The following HS6ST3 variants were observed in gnomAD, a reference collection of about 807,000 sequenced individuals.
The protein encoded by HS6ST3 is heparan-sulfate 6-O-sulfotransferase 3.
HS6ST3 carries 12 observed loss-of-function variants against 36.7 expected under a neutral mutation model. That is an observed-to-expected ratio of 0.33 (90% confidence interval 0.21 to 0.53). The LOEUF (loss-of-function observed/expected upper bound fraction) is 0.53, where lower values mean the gene tolerates loss of function less well. Ranked by LOEUF, HS6ST3 falls within the 20% of genes least tolerant of loss-of-function variation. The probability of loss-of-function intolerance (pLI) is 0.95; values close to 1 mark genes in which losing one functional copy is unlikely to be tolerated. For missense variants in HS6ST3, 584 were observed against 640.9 expected, an observed-to-expected ratio of 0.91 and a Z score of 0.96; for synonymous variants, 240 against 257.5, an observed-to-expected ratio of 0.93 and a Z score of 0.65.
chr13:96,647,086 G>T (rs2056591302), intron 1 of HS6ST3, among the ~76,000 whole-genome samples: 1 of 151,942 alleles, frequency 6.6e-6, no homozygotes, highest in African/African-American at 2.4e-5. Flanking sequence ...GACTTAGGTG[G>T]CCTTCTCTGC....
chr13:96,259,144 G>A (rs897964578), intron 1 of HS6ST3, among the ~76,000 whole-genome samples: 1 of 152,026 alleles, frequency 6.6e-6, no homozygotes, highest in Non-Finnish European at 1.5e-5. Context: ...GTGTGTGTGT[G>A]TATGTGTGTG....
intron 1 of HS6ST3, among the ~76,000 whole-genome samples, chr13:96,264,081 A>G (rs2054679312): frequency 6.6e-6 from 1 of 152,208 alleles, no homozygotes; most frequent in Non-Finnish European, 1.5e-5. Flanking sequence ...AATGTTGGAG[A>G]ATTAATGGCT....
chr13:96,726,427 T>C (rs1000347198), intron 1 of HS6ST3, among the ~76,000 whole-genome samples: 1 of 152,232 alleles, frequency 6.6e-6, no homozygotes, highest in African/African-American at 2.4e-5. Flanking sequence ...AGGACTTATA[T>C]GTCTTTCATA....
intron 1 of HS6ST3, among the ~76,000 whole-genome samples, chr13:96,380,016 A>C (rs993091053): frequency 6.6e-6 from 1 of 152,190 alleles, no homozygotes; most frequent in African/African-American, 2.4e-5. Flanking sequence ...TATAACTAAA[A>C]CTGCTTTGAG....
At chr13:96,792,420 A>G (rs1459362550) in intron 1 of HS6ST3, among the ~76,000 whole-genome samples, 1 of 151,574 alleles carries the variant, frequency 6.6e-6, no homozygotes, top group Admixed American at 6.6e-5. Flanking sequence ...AACACGTCCT[A>G]TTTTTCTCAC....
At chr13:96,705,216 C>A (rs1164477863) in intron 1 of HS6ST3, among the ~76,000 whole-genome samples, 1 of 152,140 alleles carries the variant, frequency 6.6e-6, no homozygotes, top group East Asian at 1.9e-4. Context: ...TGATTGGCAT[C>A]CACCATTATT....
intron 1 of HS6ST3, among the ~76,000 whole-genome samples, chr13:96,704,979 G>T (rs1162618710): frequency 6.6e-6 from 1 of 152,146 alleles, no homozygotes; most frequent in Admixed American, 6.6e-5. Context: ...CTTTAGAGCA[G>T]TTTTAGGTTC....
intron 1 of HS6ST3, among the ~76,000 whole-genome samples, chr13:96,128,396 T>C (rs2053961274): frequency 6.6e-6 from 1 of 152,172 alleles, no homozygotes; most frequent in African/African-American, 2.4e-5. Flanking sequence ...AGCTGTGCTG[T>C]GTCAGGATGG....
intron 1 of HS6ST3, among the ~76,000 whole-genome samples, chr13:96,583,355 G>T (rs948410947): frequency 1.3e-5 from 2 of 150,984 alleles, no homozygotes; most frequent in Non-Finnish European, 3.0e-5. Flanking sequence ...CTGAGATTAC[G>T]GGTGCGTGCC....
intron 1 of HS6ST3, among the ~76,000 whole-genome samples, chr13:96,598,418 A>G (rs1272368664): frequency 6.6e-6 from 1 of 151,718 alleles, no homozygotes; most frequent in Non-Finnish European, 1.5e-5. Flanking sequence ...TAGATATTTT[A>G]TTTTTTATTT....
chr13:96,288,015 T>A (rs1216862872), intron 1 of HS6ST3, among the ~76,000 whole-genome samples: 1 of 152,142 alleles, frequency 6.6e-6, no homozygotes, highest in Non-Finnish European at 1.5e-5. Context: ...CAAAATGTAG[T>A]TCCTAGACCA....
intron 1 of HS6ST3, among the ~76,000 whole-genome samples, chr13:96,799,421 C>G (rs1877987377): frequency 6.6e-6 from 1 of 152,040 alleles, no homozygotes; most frequent in African/African-American, 2.4e-5. Context: ...GAAAATGTGG[C>G]ACACATACAC....
At chr13:96,709,560 GATAA>G (rs1160162342) in intron 1 of HS6ST3, among the ~76,000 whole-genome samples, 1 of 152,054 alleles carries the variant, frequency 6.6e-6, no homozygotes, top group Non-Finnish European at 1.5e-5. Context: ...TCATGAATGG[GATAA>G]ACACCCTTGT....
At chr13:96,145,573 G>T (rs954968061) in intron 1 of HS6ST3, among the ~76,000 whole-genome samples, 1 of 151,928 alleles carries the variant, frequency 6.6e-6, no homozygotes, top group Non-Finnish European at 1.5e-5. Flanking sequence ...AGATGAGTAG[G>T]TTGCAAAAAT....
intron 1 of HS6ST3, among the ~76,000 whole-genome samples, chr13:96,604,289 G>T (rs1244348296): frequency 3.3e-5 from 5 of 152,066 alleles, no homozygotes; most frequent in Non-Finnish European, 7.4e-5. Context: ...TTACTGAGTG[G>T]AAACAATTTT....
At chr13:96,819,854 G>A (rs1049487562) in intron 1 of HS6ST3, among the ~76,000 whole-genome samples, 4 of 152,216 alleles carry the variant, frequency 2.6e-5, no homozygotes, top group African/African-American at 7.2e-5. Flanking sequence ...AGGAGTTTGA[G>A]ACCAGTCTGT....
At chr13:96,789,198 T>G (rs1460257106) in intron 1 of HS6ST3, among the ~76,000 whole-genome samples, 2 of 151,894 alleles carry the variant, frequency 1.3e-5, no homozygotes, top group African/African-American at 4.8e-5. Context: ...TTTTAGTGTT[T>G]GTCTAGGGAT....
At chr13:96,510,491 C>T (rs1175464194) in intron 1 of HS6ST3, among the ~76,000 whole-genome samples, 2 of 152,050 alleles carry the variant, frequency 1.3e-5, no homozygotes, top group East Asian at 3.9e-4. Context: ...GCAAGGAATC[C>T]GATGATGTGA....
chr13:96,424,161 A>G (rs1023525289), intron 1 of HS6ST3, among the ~76,000 whole-genome samples: 1 of 152,182 alleles, frequency 6.6e-6, no homozygotes, highest in South Asian at 2.1e-4. Flanking sequence ...GCCACAGTTG[A>G]CATCACCAAA....
Sources: gnomAD v4.1 joint callset for allele counts (sites outside exome capture counted in the v4.1 genomes callset) on GRCh38, gnomAD v4.1.1 for gene constraint, MANE v1.5 for transcripts, NCBI Gene and HGNC (gene_info 2026-07-23, HGNC 2026-07-21) for gene names.